HS6ST2: variants seen among roughly 807,000 people sequenced by gnomAD.
The protein encoded by HS6ST2 is heparan-sulfate 6-O-sulfotransferase 2.
A neutral mutation model predicts 33.0 loss-of-function variants in HS6ST2; 17 were observed. That is an observed-to-expected ratio of 0.52 (90% confidence interval 0.35 to 0.77). HS6ST2 has a LOEUF of 0.77. Among genes scored for constraint, HS6ST2 ranks in the 30% least tolerant of loss-of-function variants. The pLI is 0.01. For synonymous variants in HS6ST2, 248 were observed against 237.1 expected (o/e 1.05, Z -0.42); for missense variants, 519 against 551.7 (o/e 0.94, Z 0.59).
At chrX:132,917,237 T>C (rs954958715) in intron 2 of HS6ST2, among the ~76,000 whole-genome samples, 1 of 111,592 alleles carries the variant, frequency 9.0e-6, no homozygotes, top group African/African-American at 3.3e-5. Flanking sequence ...TGACATTCTA[T>C]GGTTTAAATA....
In HS6ST2 at chrX:132,628,905, A is replaced by G. The variant is rs1488750533; in HGVS notation, c.1256T>C (p.Met419Thr). The G allele has an allele frequency of 8.3e-7, 1 of 1,211,682 alleles. No individual in the cohort carries two copies. The highest frequency in any genetic ancestry group is 1.1e-6 in the Non-Finnish European group (1 of 895,451). The change falls in exon 5 of 5, where the codon ATG (methionine) becomes ACG (threonine). Residue 419 changes from methionine (M) to threonine (T), a missense_variant. Met to Thr is a moderately conservative substitution (Grantham distance 81). Coordinates refer to ENST00000370833, the MANE Select transcript of HS6ST2 (RefSeq NM_001394073.1). ...DWSGCPLKEF[M>T]DCPYNLANNR... is the part of the protein sequence containing the mutation. ...GTTGGCTAGATTGTAGGGACAGTCC[A>G]TAAACTCTTTGAGGGGGCAGCCAGA...
chrX:132,777,241 C>T (rs2064969552), intron 2 of HS6ST2, among the ~76,000 whole-genome samples: 1 of 107,994 alleles, frequency 9.3e-6, no homozygotes, highest in Admixed American at 1.0e-4. Context: ...TGGAAGCTGT[C>T]TGAGCAGGAA....
At chrX:132,771,185 T>C (rs185749721) in intron 2 of HS6ST2, among the ~76,000 whole-genome samples, 53 of 112,043 alleles carry the variant, frequency 4.7e-4, no homozygotes, top group South Asian at 3.7e-4. Flanking sequence ...TCAGTAAATA[T>C]GCAACGAGTG....
At chrX:132,880,616 C>T (rs755756557) in intron 2 of HS6ST2, among the ~76,000 whole-genome samples, 1 of 107,644 alleles carries the variant, frequency 9.3e-6, no homozygotes, top group Non-Finnish European at 1.9e-5. Flanking sequence ...TAACCAACAA[C>T]TTTTTTTTTC....
At chrX:132,909,612 TAC>T (rs1348712462) in intron 2 of HS6ST2, among the ~76,000 whole-genome samples, 3 of 111,816 alleles carry the variant, frequency 2.7e-5, no homozygotes, top group Non-Finnish European at 5.6e-5. Context: ...GAGGAAGGGG[TAC>T]ACACTGTGAA....
chrX:132,704,609 C>T (rs2064173482), intron 3 of HS6ST2, among the ~76,000 whole-genome samples: 1 of 112,014 alleles, frequency 8.9e-6, no homozygotes, highest in Admixed American at 9.5e-5. Flanking sequence ...TTCTTCCAAA[C>T]ATGCCAATCT....
chrX:132,673,363 A>T (rs182811648), intron 3 of HS6ST2, among the ~76,000 whole-genome samples: 113 of 112,498 alleles, frequency 1.0e-3, no homozygotes, highest in African/African-American at 3.1e-3. Flanking sequence ...AAGTGGTGAC[A>T]CATGTCACAT....
chrX:132,695,829 G>A (rs1043914162), intron 3 of HS6ST2, among the ~76,000 whole-genome samples: 5 of 111,983 alleles, frequency 4.5e-5, no homozygotes, highest in African/African-American at 9.7e-5. Flanking sequence ...TGAACACAGC[G>A]TGCTTAAAAT....
chrX:132,913,087 G>A (rs1408575439), intron 2 of HS6ST2, among the ~76,000 whole-genome samples: 4 of 111,119 alleles, frequency 3.6e-5, no homozygotes, highest in Non-Finnish European at 7.5e-5. Flanking sequence ...CCACTCGAGG[G>A]CTGGCCTCTC....
intron 4 of HS6ST2, among the ~76,000 whole-genome samples, chrX:132,647,433 T>C (rs1023499881): frequency 1.8e-5 from 2 of 111,264 alleles, no homozygotes; most frequent in African/African-American, 6.5e-5. Flanking sequence ...GGCCCAGAGG[T>C]GAGCAGCAGG....
intron 2 of HS6ST2, among the ~76,000 whole-genome samples, chrX:132,790,237 C>G (rs767778401): frequency 8.9e-6 from 1 of 112,204 alleles, no homozygotes; most frequent in Admixed American, 9.5e-5. Flanking sequence ...GATTAGTCAG[C>G]AACCATGCAC....
intron 2 of HS6ST2, among the ~76,000 whole-genome samples, chrX:132,789,536 G>C (rs2065098589): frequency 8.9e-6 from 1 of 111,856 alleles, no homozygotes; most frequent in South Asian, 3.8e-4. Context: ...TTCTTCAGTT[G>C]ACGGATCAAG....
chrX:132,838,675 A>G (rs991057663), intron 2 of HS6ST2, among the ~76,000 whole-genome samples: 3 of 111,416 alleles, frequency 2.7e-5, no homozygotes, highest in East Asian at 5.6e-4. Context: ...ATCACACTTG[A>G]CTATAGAAAA....
chrX:132,708,349 A>G (rs2064203036), intron 3 of HS6ST2, 113 bp downstream of exon 3: 1 of 361,686 alleles, frequency 2.8e-6, no homozygotes, highest in Admixed American at 6.8e-5. Flanking sequence ...GAATTTGTCC[A>G]AGCCAAAAAC....
intron 3 of HS6ST2, among the ~76,000 whole-genome samples, chrX:132,672,936 A>G (rs1183623107): frequency 9.0e-6 from 1 of 111,726 alleles, no homozygotes; most frequent in Non-Finnish European, 1.9e-5. Context: ...CCTGTGGCTT[A>G]AAACACACCT....
At chrX:132,799,293 C>T (rs1203679718) in intron 2 of HS6ST2, among the ~76,000 whole-genome samples, 1 of 110,665 alleles carries the variant, frequency 9.0e-6, no homozygotes, top group Admixed American at 9.7e-5. Flanking sequence ...CCCCTAAATC[C>T]TGATGCCTGG....
chrX:132,791,938 GT>G (rs2065122674), intron 2 of HS6ST2, among the ~76,000 whole-genome samples: 1 of 111,374 alleles, frequency 9.0e-6, no homozygotes, highest in African/African-American at 3.3e-5. Flanking sequence ...AGCCATAACC[GT>G]GCCACTGCAC....
intron 2 of HS6ST2, among the ~76,000 whole-genome samples, chrX:132,827,091 G>T (rs140890893): frequency 1.5e-3 from 164 of 111,708 alleles, no homozygotes; most frequent in African/African-American, 4.7e-3. Context: ...TTGATTTTAA[G>T]GCAGCAACTG....
At chrX:132,682,272 T>G (rs1266187305) in intron 3 of HS6ST2, among the ~76,000 whole-genome samples, 1 of 112,056 alleles carries the variant, frequency 8.9e-6, no homozygotes, top group Non-Finnish European at 1.9e-5. Flanking sequence ...TGATTCTATG[T>G]GAGATGGGAA....
Sources: allele counts gnomAD v4.1 joint callset (sites outside exome capture counted in the v4.1 genomes callset), GRCh38; gene constraint gnomAD v4.1.1; transcripts MANE v1.5; gene names NCBI Gene and HGNC (gene_info 2026-07-23, HGNC 2026-07-21).